Variants in SGCD observed in about 807,000 individuals in gnomAD.
SGCD encodes the protein delta-sarcoglycan.
SGCD carries 18 observed loss-of-function variants against 36.6 expected under a neutral mutation model. The ratio of observed to expected loss-of-function variants is 0.49; its 90% CI spans 0.34 to 0.73. The LOEUF (loss-of-function observed/expected upper bound fraction) is 0.73, where lower values mean the gene tolerates loss of function less well. Ranked by LOEUF, SGCD falls within the 30% of genes least tolerant of loss-of-function variation. The probability of loss-of-function intolerance (pLI) is 0.01; values close to 1 mark genes in which losing one functional copy is unlikely to be tolerated. For missense variants in SGCD, 387 were observed against 346.7 expected (o/e 1.12, Z -0.92); for synonymous variants, 133 against 130.6 (o/e 1.02, Z -0.12).
chr5:156,682,634 G>C (rs1057448481), intron 7 of SGCD, among the ~76,000 whole-genome samples: 2 of 152,226 alleles, frequency 1.3e-5, no homozygotes, highest in Non-Finnish European at 2.9e-5. Flanking sequence ...GAACATTAAA[G>C]TTCTAAGTAG....
At chr5:155,880,942 C>T (rs1755867903) in intron 1 of SGCD, among the ~76,000 whole-genome samples, 1 of 151,930 alleles carries the variant, frequency 6.6e-6, no homozygotes, top group African/African-American at 2.4e-5. Context: ...GCTTCTTTTT[C>T]TTAGAATGAA....
chr5:156,726,104 T>C (rs1043698803), intron 7 of SGCD, among the ~76,000 whole-genome samples: 1 of 152,238 alleles, frequency 6.6e-6, no homozygotes, highest in South Asian at 2.1e-4. Flanking sequence ...GGTTATCTTC[T>C]TGTAATCCAT....
chr5:155,896,846 A>G (rs953057650), intron 1 of SGCD, among the ~76,000 whole-genome samples: 1 of 152,198 alleles, frequency 6.6e-6, no homozygotes, highest in East Asian at 1.9e-4. Context: ...TATGTTTGGA[A>G]AAACAACACT....
chr5:156,181,413 A>C (rs764974031), intron 3 of SGCD, among the ~76,000 whole-genome samples: 3 of 152,192 alleles, frequency 2.0e-5, no homozygotes, highest in Non-Finnish European at 4.4e-5. Flanking sequence ...AGATTTTTCA[A>C]ATAAAAACAA....
intron 4 of SGCD, among the ~76,000 whole-genome samples, chr5:156,512,722 G>T (rs966716015): frequency 6.6e-6 from 1 of 151,972 alleles, no homozygotes; most frequent in Non-Finnish European, 1.5e-5. Context: ...GAATGTATCC[G>T]TCACCCCTGA....
In SGCD at chr5:155,979,418, C is replaced by T. The variant is rs147314492; in HGVS notation, c.-282+108994C>T. Among the ~76,000 whole-genome samples, 10 of 152,260 alleles carry T rather than the reference C, an allele frequency of 6.6e-5. No individual in the cohort carries two copies. The East Asian group carries it at 1.9e-3, about 29-fold the overall frequency. On this transcript the variant is annotated intron_variant, in intron 1 of 9. Transcript: ENST00000517913. ...AACTGTTCTTCTAGTTCTTGGTTGA[C>T]AGAGATCTATTTTCCCAGGAAGTGG...
chr5:156,071,483 G>A (rs1414753130), intron 1 of SGCD, among the ~76,000 whole-genome samples: 1 of 152,180 alleles, frequency 6.6e-6, no homozygotes, highest in African/African-American at 2.4e-5. Context: ...TGATTGCACT[G>A]TGGTCTGAGA....
chr5:156,477,541 A>C (rs1290051838), intron 3 of SGCD, among the ~76,000 whole-genome samples: 1 of 152,192 alleles, frequency 6.6e-6, no homozygotes, highest in Non-Finnish European at 1.5e-5. Context: ...AGCTGGTAGC[A>C]GTGTTCTCTG....
chr5:156,207,163 G>A (rs996795374), intron 3 of SGCD, among the ~76,000 whole-genome samples: 1 of 152,088 alleles, frequency 6.6e-6, no homozygotes, highest in African/African-American at 2.4e-5. Flanking sequence ...AAAATCAGCT[G>A]TGTGGGAGGG....
intron 1 of SGCD, among the ~76,000 whole-genome samples, chr5:155,935,513 A>G (rs1214151387): frequency 1.3e-5 from 2 of 152,206 alleles, no homozygotes; most frequent in Admixed American, 6.5e-5. Flanking sequence ...GAATAATGAG[A>G]TAGAAAGTGA....
At chr5:156,415,020 C>T (rs1179610637) in intron 3 of SGCD, among the ~76,000 whole-genome samples, 1 of 152,070 alleles carries the variant, frequency 6.6e-6, no homozygotes, top group Non-Finnish European at 1.5e-5. Flanking sequence ...AGGCAGAAAC[C>T]AGAAGTACAG....
intron 1 of SGCD, among the ~76,000 whole-genome samples, chr5:156,062,429 G>A (rs1335011149): frequency 9.3e-6 from 1 of 107,502 alleles, no homozygotes; most frequent in Non-Finnish European, 1.9e-5. Flanking sequence ...ATGATTTATA[G>A]TCCTTTGGGT....
At chr5:156,201,430 C>A (rs1764148308) in intron 3 of SGCD, among the ~76,000 whole-genome samples, 1 of 152,146 alleles carries the variant, frequency 6.6e-6, no homozygotes, top group Non-Finnish European at 1.5e-5. Context: ...TTTCTTCACT[C>A]CCACTGTAGC....
chr5:156,283,923 T>G (rs2127674314), intron 3 of SGCD, among the ~76,000 whole-genome samples: 1 of 152,310 alleles, frequency 6.6e-6, no homozygotes, highest in African/African-American at 2.4e-5. Flanking sequence ...TTCTTTCATT[T>G]AGGGAATAGA....
intron 3 of SGCD, among the ~76,000 whole-genome samples, chr5:156,295,528 C>CT (rs1220529730): frequency 2.0e-5 from 3 of 152,006 alleles, no homozygotes; most frequent in African/African-American, 7.2e-5. Context: ...TTTCTAGTTT[C>CT]TTAAATCATA....
At chr5:156,704,119 T>C (rs1754644571) in intron 7 of SGCD, 2 of 152,122 alleles carry the variant, frequency 1.3e-5, no homozygotes, top group South Asian at 4.2e-4. Context: ...CCAGACACTT[T>C]TGGATCCAGG....
chr5:156,185,759 T>TG (rs1763727410), intron 3 of SGCD, among the ~76,000 whole-genome samples: 1 of 150,114 alleles, frequency 6.7e-6, no homozygotes, highest in Non-Finnish European at 1.5e-5. Flanking sequence ...ATGTCACTTC[T>TG]GTTGTGAGAC....
chr5:155,958,202 G>A (rs529043997), intron 1 of SGCD, among the ~76,000 whole-genome samples: 80 of 152,260 alleles, frequency 5.3e-4, no homozygotes, highest in African/African-American at 1.9e-3. Flanking sequence ...TTTTTAAACT[G>A]TAAAGCACTG....
At chr5:156,337,484 G>A (rs572419367) in intron 2 of SGCD, among the ~76,000 whole-genome samples, 104 of 152,228 alleles carry the variant, frequency 6.8e-4, no homozygotes, top group Non-Finnish European at 1.1e-3. Flanking sequence ...TCTCCTCTGA[G>A]CTCATTCAAT....
Sources: allele counts gnomAD v4.1 joint callset (sites outside exome capture counted in the v4.1 genomes callset), GRCh38; gene constraint gnomAD v4.1.1; transcripts MANE v1.5; gene names NCBI Gene and HGNC (gene_info 2026-07-23, HGNC 2026-07-21).